Variants in LRRC4C observed in about 807,000 individuals in gnomAD.
LRRC4C encodes leucine rich repeat containing 4C.
Under a neutral mutation model 33.6 loss-of-function variants are expected in LRRC4C, and 5 were observed. That is an observed-to-expected ratio of 0.15 (90% CI 0.08 to 0.31). The LOEUF is 0.31. LRRC4C is among the 10% of genes least tolerant of loss of function. The pLI, the probability that LRRC4C is intolerant of heterozygous loss-of-function variation, is 1.00. For missense variants in LRRC4C, 560 were observed against 796.7 expected (o/e 0.70, Z 3.58); for synonymous variants, 329 against 302.0 (o/e 1.09, Z -0.93).
chr11:40,779,607 A>G (rs1435848297), intron 2 of LRRC4C, among the ~76,000 whole-genome samples: 33 of 152,196 alleles, frequency 2.2e-4, no homozygotes, highest in Admixed American at 2.2e-3. Context: ...TCTCTTGGTC[A>G]CATTAAAATA....
intron 1 of LRRC4C, among the ~76,000 whole-genome samples, chr11:40,969,406 G>C (rs1851567354): frequency 6.7e-6 from 1 of 148,852 alleles, no homozygotes; most frequent in Admixed American, 6.8e-5. Flanking sequence ...TAAAGCATCA[G>C]AAGGGTTTGA....
intron 1 of LRRC4C, among the ~76,000 whole-genome samples, chr11:41,192,304 G>T (rs568327850): frequency 1.6e-4 from 23 of 146,592 alleles, no homozygotes; most frequent in Admixed American, 1.1e-3. Context: ...ATATTGTCTG[G>T]CATACAGCAT....
chr11:40,903,877 G>T (rs2136209972), intron 2 of LRRC4C, among the ~76,000 whole-genome samples: 1 of 151,956 alleles, frequency 6.6e-6, no homozygotes, highest in East Asian at 1.9e-4. Context: ...TTACATGCCT[G>T]TATCAAAACA....
intron 2 of LRRC4C, among the ~76,000 whole-genome samples, chr11:40,649,824 C>T (rs1179215591): frequency 6.6e-6 from 1 of 152,148 alleles, no homozygotes; most frequent in South Asian, 2.1e-4. Flanking sequence ...GAAATCTTCA[C>T]AATTTATGTT....
rs929801521 is a variant in LRRC4C, at chr11:40,663,878, A to G, written c.-406-15600T>C. Among the ~76,000 whole-genome samples the G allele has an allele frequency of 7.2e-5, 11 of 152,222 alleles. 1 individual carries two copies. The highest frequency in any genetic ancestry group is 1.6e-4 in the Non-Finnish European group (11 of 68,048). The stretch of plus-strand genomic sequence containing the variant: ...TGAGTACTTAAGATCAACCATCAAA[A>G]TGATTGCAGAAATAAAGAGGAATAG... On this transcript the variant is annotated intron_variant, in intron 2 of 6. Coordinates refer to ENST00000528697, the MANE Select transcript of LRRC4C (RefSeq NM_001258419.2).
At chr11:40,129,073 A>G (rs1039506930) in intron 6 of LRRC4C, among the ~76,000 whole-genome samples, 9 of 152,114 alleles carry the variant, frequency 5.9e-5, no homozygotes, top group African/African-American at 1.9e-4. Context: ...AACAGTACTC[A>G]TGGAGTGTTT....
At chr11:40,323,919 G>C (rs1386045829) in intron 3 of LRRC4C, among the ~76,000 whole-genome samples, 1 of 152,156 alleles carries the variant, frequency 6.6e-6, no homozygotes, top group Admixed American at 6.5e-5. Flanking sequence ...GAAGAAATGA[G>C]GCTTCAAAAC....
At chr11:40,419,646 T>C (rs1411889047) in intron 3 of LRRC4C, among the ~76,000 whole-genome samples, 1 of 152,186 alleles carries the variant, frequency 6.6e-6, no homozygotes, top group Non-Finnish European at 1.5e-5. Context: ...GTACAAGAAA[T>C]GTGAAATGAA....
intron 5 of LRRC4C, among the ~76,000 whole-genome samples, chr11:40,241,304 C>T (rs1452643883): frequency 6.6e-6 from 1 of 152,106 alleles, no homozygotes; most frequent in East Asian, 1.9e-4. Flanking sequence ...ACTGCTTGAA[C>T]CCAGGAGCTG....
chr11:40,978,037 C>T (rs548093251), intron 1 of LRRC4C, among the ~76,000 whole-genome samples: 3 of 152,208 alleles, frequency 2.0e-5, no homozygotes, highest in Admixed American at 6.5e-5. Context: ...GTATCTATCA[C>T]CAAACCCTGT....
intron 2 of LRRC4C, among the ~76,000 whole-genome samples, chr11:40,864,195 A>G (rs1954241598): frequency 6.6e-6 from 1 of 152,006 alleles, no homozygotes; most frequent in South Asian, 2.1e-4. Flanking sequence ...TAGCTTCCTG[A>G]GTAGCTGGGA....
At chr11:41,164,398 A>T (rs1293760783) in intron 1 of LRRC4C, among the ~76,000 whole-genome samples, 1 of 152,162 alleles carries the variant, frequency 6.6e-6, no homozygotes, top group Non-Finnish European at 1.5e-5. Flanking sequence ...CTCCTGAGGA[A>T]CCTGCCTGAG....
intron 3 of LRRC4C, among the ~76,000 whole-genome samples, chr11:40,633,313 G>C (rs1963626738): frequency 7.7e-6 from 1 of 129,170 alleles, no homozygotes; most frequent in African/African-American, 2.8e-5. Context: ...TCTTAGCTCA[G>C]CCAAGTTTTC....
At chr11:41,169,749 A>T (rs1228966995) in intron 1 of LRRC4C, among the ~76,000 whole-genome samples, 1 of 152,180 alleles carries the variant, frequency 6.6e-6, no homozygotes, top group African/African-American at 2.4e-5. Flanking sequence ...GCAACTGAAA[A>T]GTAGCAAGCT....
intron 1 of LRRC4C, among the ~76,000 whole-genome samples, chr11:41,153,815 G>A (rs4755569): frequency 1.3e-5 from 2 of 151,922 alleles, no homozygotes; most frequent in African/African-American, 4.8e-5. Context: ...TGGAAAAAGG[G>A]TCTTCACAGA....
chr11:41,274,833 C>A (rs1949431226), intron 1 of LRRC4C, among the ~76,000 whole-genome samples: 2 of 152,006 alleles, frequency 1.3e-5, no homozygotes, highest in African/African-American at 4.8e-5. Context: ...CTTGAATCAG[C>A]GAGACCACGA....
chr11:40,325,112 G>A (rs1946035224), intron 3 of LRRC4C, among the ~76,000 whole-genome samples: 1 of 152,124 alleles, frequency 6.6e-6, no homozygotes, highest in African/African-American at 2.4e-5. Context: ...GTTGAAAGGT[G>A]AAATTTGGGC....
At chr11:40,511,898 T>C (rs1955333849) in intron 3 of LRRC4C, among the ~76,000 whole-genome samples, 1 of 152,190 alleles carries the variant, frequency 6.6e-6, no homozygotes, top group Non-Finnish European at 1.5e-5. Context: ...GTGACTATTG[T>C]AGTATATACA....
chr11:40,725,433 G>A (rs1320517564), intron 2 of LRRC4C, among the ~76,000 whole-genome samples: 1 of 151,900 alleles, frequency 6.6e-6, no homozygotes, highest in Non-Finnish European at 1.5e-5. Flanking sequence ...GCGTGAACCT[G>A]GGAGGTGAAG....
Sources: allele counts gnomAD v4.1 joint callset (sites outside exome capture counted in the v4.1 genomes callset), GRCh38; gene constraint gnomAD v4.1.1; transcripts MANE v1.5; gene names NCBI Gene and HGNC (gene_info 2026-07-23, HGNC 2026-07-21).